Variants in KCND3 observed in about 807,000 individuals in gnomAD.
KCND3 encodes the protein potassium voltage-gated channel subfamily D member 3.
A neutral mutation model predicts 51.1 loss-of-function variants in KCND3; 9 were observed. The observed-to-expected ratio is 0.18, with a 90% confidence interval of 0.11 to 0.31. The LOEUF (loss-of-function observed/expected upper bound fraction) is 0.31. Ranked by LOEUF, KCND3 falls within the 10% of genes least tolerant of loss-of-function variation. The pLI is 1.00. For missense variants in KCND3, 526 were observed against 903.8 expected (o/e 0.58, Z 5.36); for synonymous variants, 349 against 368.0 (o/e 0.95, Z 0.59).
intron 2 of KCND3, among the ~76,000 whole-genome samples, chr1:111,797,840 C>T (rs547856884): frequency 5.3e-5 from 8 of 152,140 alleles, no homozygotes; most frequent in Non-Finnish European, 1.2e-4. Context: ...CAGCAGATTT[C>T]CAGTGAAGGA....
intron 5 of KCND3, among the ~76,000 whole-genome samples, chr1:111,779,668 T>C (rs1414837581): frequency 1.7e-5 from 2 of 117,412 alleles, no homozygotes; most frequent in Non-Finnish European, 3.2e-5. Context: ...TGTTAGCATC[T>C]GGACTCCCTG....
chr1:111,979,059 TCTC>T (rs1281811630), intron 2 of KCND3, among the ~76,000 whole-genome samples: 3 of 152,194 alleles, frequency 2.0e-5, no homozygotes, highest in African/African-American at 7.2e-5. Flanking sequence ...CCCATTTGGT[TCTC>T]CTCCCAGAAG....
chr1:111,938,691 GC>G (rs754956026), intron 2 of KCND3, among the ~76,000 whole-genome samples: 2 of 152,182 alleles, frequency 1.3e-5, no homozygotes, highest in African/African-American at 2.4e-5. Flanking sequence ...AACTGCAAAG[GC>G]CCTGAGGCAG....
At chr1:111,782,724 C>G (rs1287187371) in intron 3 of KCND3, among the ~76,000 whole-genome samples, 1 of 152,140 alleles carries the variant, frequency 6.6e-6, no homozygotes, top group African/African-American at 2.4e-5. Context: ...TCATTAGTTT[C>G]TAGAGATGAA....
chr1:111,965,416 C>T (rs1016506885), intron 2 of KCND3, among the ~76,000 whole-genome samples: 9 of 125,496 alleles, frequency 7.2e-5, no homozygotes, highest in South Asian at 5.3e-4. Context: ...CCTCCCTCCC[C>T]GACCCCTTAT....
At chr1:111,984,792 T>C (rs1675173184) in intron 1 of KCND3, among the ~76,000 whole-genome samples, 1 of 152,044 alleles carries the variant, frequency 6.6e-6, no homozygotes, top group South Asian at 2.1e-4. Flanking sequence ...GGACCACTCC[T>C]CCCTCTCATG....
chr1:111,931,359 T>G (rs530419780), intron 2 of KCND3, among the ~76,000 whole-genome samples: 1 of 151,996 alleles, frequency 6.6e-6, no homozygotes, highest in Non-Finnish European at 1.5e-5. Context: ...ACACCCAAAA[T>G]AAACAAATGA....
intron 2 of KCND3, among the ~76,000 whole-genome samples, chr1:111,934,072 C>T (rs1672099079): frequency 6.6e-6 from 1 of 152,128 alleles, no homozygotes; most frequent in Non-Finnish European, 1.5e-5. Context: ...GAAGGTGGTG[C>T]GGGGGCTCAG....
At position 111,780,738 on chromosome 1, in the gene KCND3, G is replaced by A. The variant is rs17215458; in HGVS notation, c.1323C>T (p.Tyr441=). Residue 441 remains tyrosine, a synonymous_variant, in exon 4 of 8, where the codon TAC becomes TAT. Coordinates refer to ENST00000302127, the MANE Select transcript of KCND3 (RefSeq NM_001378969.1). This position sits in a 1 kb window ranked among gnomAD's most constrained non-coding sequence, Gnocchi z 4.2. ...GGAGCCCGTTGCGCTTGCTGTGCAG[G>A]TATGCATTCGAACTGCCTGTTTTGG... ...RVAKTGSSNA[Y]LHSKRNGLLN... 2.3e-3 allele frequency: 3,778 copies of A among 1,613,456 alleles called. 65 individuals are homozygous for A. In the African/African-American group the frequency reaches 0.039, roughly 16 times the overall value.
At chr1:111,887,297 T>C (rs1279329958) in intron 2 of KCND3, among the ~76,000 whole-genome samples, 2 of 152,272 alleles carry the variant, frequency 1.3e-5, no homozygotes, top group East Asian at 3.9e-4. Flanking sequence ...AATCATACCT[T>C]GTGAGAAAAT....
At chr1:111,821,949 G>A (rs1666367904) in intron 2 of KCND3, among the ~76,000 whole-genome samples, 1 of 152,214 alleles carries the variant, frequency 6.6e-6, no homozygotes, top group African/African-American at 2.4e-5. Context: ...GAGTAATGGG[G>A]GCTCTTTCCA....
At chr1:111,962,154 A>G (rs1473721360) in intron 2 of KCND3, among the ~76,000 whole-genome samples, 2 of 152,210 alleles carry the variant, frequency 1.3e-5, no homozygotes, top group Middle Eastern at 6.3e-3. Context: ...ATTATTTTTA[A>G]TCATCACAGC....
intron 2 of KCND3, among the ~76,000 whole-genome samples, chr1:111,937,522 C>A (rs1244094095): frequency 6.6e-6 from 1 of 152,208 alleles, no homozygotes; most frequent in African/African-American, 2.4e-5. Context: ...GAGATTCAAG[C>A]AGATGCCCCC....
intron 2 of KCND3, among the ~76,000 whole-genome samples, chr1:111,962,308 G>C (rs754263502): frequency 2.0e-4 from 31 of 152,194 alleles, no homozygotes; most frequent in Non-Finnish European, 3.8e-4. Context: ...CACTCTCCAG[G>C]AGGGGTCTTC....
intron 2 of KCND3, among the ~76,000 whole-genome samples, chr1:111,822,387 G>A (rs529066626): frequency 2.0e-5 from 3 of 152,040 alleles, no homozygotes; most frequent in Admixed American, 1.3e-4. Context: ...TTGCCCCGCC[G>A]GTAACCATAA....
At chr1:111,916,837 C>G (rs961077477) in intron 2 of KCND3, among the ~76,000 whole-genome samples, 2 of 152,116 alleles carry the variant, frequency 1.3e-5, no homozygotes, top group Admixed American at 1.3e-4. Flanking sequence ...ACCAAACTAC[C>G]AACACTCACT....
intron 2 of KCND3, among the ~76,000 whole-genome samples, chr1:111,953,691 C>G (rs959075987): frequency 2.6e-5 from 4 of 152,224 alleles, no homozygotes; most frequent in African/African-American, 9.7e-5. Context: ...CCAAAGAACT[C>G]TGAAAGTGTC....
chr1:111,829,507 G>A (rs34547928), intron 2 of KCND3, among the ~76,000 whole-genome samples: 94 of 152,166 alleles, frequency 6.2e-4, no homozygotes, highest in Non-Finnish European at 1.1e-3. Flanking sequence ...CATTAATTAA[G>A]TTGGAGAATG....
chr1:111,868,331 A>G (rs1218054625), intron 2 of KCND3, among the ~76,000 whole-genome samples: 2 of 152,214 alleles, frequency 1.3e-5, no homozygotes. Context: ...CCATCTGGTT[A>G]TCAGATAACT....
Sources: gnomAD v4.1 joint callset for allele counts (sites outside exome capture counted in the v4.1 genomes callset) on GRCh38, gnomAD v4.1.1 for gene constraint, Gnocchi (gnomAD v3.1) non-coding constraint, MANE v1.5 for transcripts, NCBI Gene and HGNC (gene_info 2026-07-23, HGNC 2026-07-21) for gene names.